Variants in RNGTT observed in about 807,000 individuals in gnomAD.
The protein encoded by RNGTT is RNA guanylyltransferase and 5'-phosphatase.
A neutral mutation model predicts 79.3 loss-of-function variants in RNGTT; 33 were observed. The observed-to-expected ratio is 0.42, with a 90% confidence interval of 0.32 to 0.56. RNGTT has a LOEUF of 0.56. Ranked by LOEUF, RNGTT falls within the 20% of genes least tolerant of loss-of-function variation. The probability of loss-of-function intolerance (pLI) is 0.17; values close to 1 mark genes in which losing one functional copy is unlikely to be tolerated. For missense variants in RNGTT, 497 were observed against 739.1 expected, an observed-to-expected ratio of 0.67 and a Z score of 3.80; for synonymous variants, 222 against 235.9, an observed-to-expected ratio of 0.94 and a Z score of 0.54.
At position 88,647,715 on chromosome 6, in the gene RNGTT, A is replaced by AAAAAAG. The variant is rs531898293; in HGVS notation, c.1506+30637_1506+30638insCTTTTT. On this transcript the variant is annotated intron_variant, in intron 14 of 15. Coordinates refer to ENST00000369485, the MANE Select transcript of RNGTT (RefSeq NM_003800.5). ...CGACACCCTGTTAAAAAAAAAAAAA[A>AAAAAAG]AAGAAGAAGAAGAAAAGAAGGAAGG... Among the ~76,000 whole-genome samples, 13 of 142,510 alleles carry AAAAAAG rather than the reference A, an allele frequency of 9.1e-5. 1 individual carries two copies. Among genetic ancestry groups the AAAAAAG allele is most frequent in the African/African-American group, 3.9e-4 (13 of 33,142 alleles). The allele number at this position is 142,510 out of a possible 152,430, so 93.5% of individuals were successfully genotyped here. A position where few individuals can be genotyped will look rare whatever the true frequency, so the allele number is the denominator to read the frequency against.
At position 88,652,281 on chromosome 6, in the gene RNGTT, C is replaced by T. The variant is rs182511403; in HGVS notation, c.1506+26072G>A. Among the ~76,000 whole-genome samples the T allele has an allele frequency of 1.9e-3, 291 of 152,168 alleles. 4 individuals carry two copies. Among genetic ancestry groups the T allele is most frequent in the African/African-American group, 6.9e-3 (285 of 41,516 alleles). ...AATGTTACAAATTTACAAGTTTCTCCAAATCTCATACTTCATTGCATTTAG... is the reference window on the plus strand; with the variant it reads ...AATGTTACAAATTTACAAGTTTCTCTAAATCTCATACTTCATTGCATTTAG... On this transcript the variant is annotated intron_variant, in intron 14 of 15. Transcript: ENST00000369485.
At chr6:88,792,085 GT>G (rs1205562912) in intron 12 of RNGTT, among the ~76,000 whole-genome samples, 1 of 152,130 alleles carries the variant, frequency 6.6e-6, no homozygotes, top group Non-Finnish European at 1.5e-5. Flanking sequence ...TAGTCTAAAA[GT>G]GGGCCCACAC....
chr6:88,824,365 A>G (rs1369434768), intron 11 of RNGTT, among the ~76,000 whole-genome samples: 1 of 152,210 alleles, frequency 6.6e-6, no homozygotes, highest in Admixed American at 6.5e-5. Flanking sequence ...TGTATAAAAG[A>G]TAAAAAATGG....
At position 88,640,386 on chromosome 6, in the gene RNGTT, C is replaced by CAA. The variant is rs34910543; in HGVS notation, c.1507-25993_1507-25992dup. Among the ~76,000 whole-genome samples the CAA allele has an allele frequency of 1.9e-4, 18 of 97,132 alleles. No homozygotes were observed. The East Asian group carries it at 3.6e-3, about 19-fold the overall frequency. 63.7% of individuals were successfully genotyped at this position (97,132 alleles called of 152,430 possible). On this transcript the variant is annotated intron_variant, in intron 14 of 15. Transcript: ENST00000369485. Reference sequence around the variant, plus strand: ...GCAGCATACCGAGACCCTGTCTCTACAAAAAAAAAAAAAAAAAATCCAGGC... The same window carrying CAA: ...GCAGCATACCGAGACCCTGTCTCTACAAAAAAAAAAAAAAAAAAAATCCAGGC...
chr6:88,932,208 C>T (rs1212698497), intron 2 of RNGTT, among the ~76,000 whole-genome samples: 2 of 152,172 alleles, frequency 1.3e-5, no homozygotes, highest in African/African-American at 4.8e-5. Flanking sequence ...GGATGAAACA[C>T]ACCCTAGTCT....
intron 1 of RNGTT, among the ~76,000 whole-genome samples, chr6:88,945,442 T>G (rs777127916): frequency 1.7e-4 from 26 of 152,232 alleles, no homozygotes; most frequent in Non-Finnish European, 3.5e-4. Flanking sequence ...AAAACTCTCC[T>G]GCCTTACATG....
At chr6:88,913,234 A>C (rs563851318) in intron 4 of RNGTT, among the ~76,000 whole-genome samples, 7 of 151,036 alleles carry the variant, frequency 4.6e-5, no homozygotes, top group African/African-American at 1.7e-4. Flanking sequence ...AAACAAAAAA[A>C]AAAAAGCCCT....
chr6:88,896,872 C>T (rs778489628), intron 6 of RNGTT, among the ~76,000 whole-genome samples: 11 of 152,152 alleles, frequency 7.2e-5, no homozygotes, highest in Non-Finnish European at 1.0e-4. Context: ...TGAAATAACT[C>T]GACCTGTTGT....
intron 4 of RNGTT, among the ~76,000 whole-genome samples, chr6:88,910,437 G>T (rs1783793045): frequency 6.6e-6 from 1 of 152,096 alleles, no homozygotes; most frequent in African/African-American, 2.4e-5. Context: ...AACTGAGTCA[G>T]ACAAAAATAA....
At chr6:88,782,322 A>T (rs9344863) in intron 12 of RNGTT, among the ~76,000 whole-genome samples, 20,949 of 152,068 alleles carry the variant, frequency 0.14, 1,645 homozygotes, top group Middle Eastern at 0.24. Context: ...TTTATTCCAG[A>T]TTCCAAAATA....
At chr6:88,822,109 T>C (rs6937188) in intron 11 of RNGTT, among the ~76,000 whole-genome samples, 23,148 of 152,206 alleles carry the variant, frequency 0.15, 1,898 homozygotes, top group Middle Eastern at 0.26. Context: ...GGGCATTTCC[T>C]GATTTTAACA....
intron 13 of RNGTT, among the ~76,000 whole-genome samples, chr6:88,711,238 A>G (rs1776307382): frequency 6.6e-6 from 1 of 152,284 alleles, no homozygotes; most frequent in Admixed American, 6.5e-5. Flanking sequence ...TTCATTTATA[A>G]CTTTTCTCAT....
chr6:88,791,628 C>T (rs2127855979), intron 12 of RNGTT, among the ~76,000 whole-genome samples: 1 of 152,284 alleles, frequency 6.6e-6, no homozygotes, highest in East Asian at 1.9e-4. Context: ...CAAGCTCCGC[C>T]TCCTGGGTTA....
At chr6:88,911,495 T>C (rs1783829088) in intron 4 of RNGTT, among the ~76,000 whole-genome samples, 1 of 152,182 alleles carries the variant, frequency 6.6e-6, no homozygotes, top group Non-Finnish European at 1.5e-5. Flanking sequence ...AACTTCCAGA[T>C]GGGTACTAAA....
chr6:88,897,876 G>C (rs1250526898), intron 6 of RNGTT, among the ~76,000 whole-genome samples: 1 of 152,124 alleles, frequency 6.6e-6, no homozygotes, highest in Non-Finnish European at 1.5e-5. Flanking sequence ...TAAAAATCTT[G>C]AGCAGTGAGA....
At chr6:88,709,698 A>G (rs1776257342) in intron 13 of RNGTT, among the ~76,000 whole-genome samples, 1 of 152,248 alleles carries the variant, frequency 6.6e-6, no homozygotes, top group East Asian at 1.9e-4. Flanking sequence ...TTTGCATCAA[A>G]TCTTCAAAAT....
At chr6:88,798,413 C>T (rs1481542885) in intron 12 of RNGTT, among the ~76,000 whole-genome samples, 3 of 151,508 alleles carry the variant, frequency 2.0e-5, no homozygotes, top group Non-Finnish European at 2.9e-5. Context: ...TGCAGTAAGC[C>T]ATGTTTGTGC....
At chr6:88,890,634 T>G (rs9353632) in intron 7 of RNGTT, 38 bp from the exon 8 acceptor site, 1 of 1,438,560 alleles carries the variant, frequency 7.0e-7, no homozygotes, top group Admixed American at 1.8e-5. Flanking sequence ...GTGGCTGGTA[T>G]CCATACAAAG....
chr6:88,650,060 C>T (rs903215065), intron 14 of RNGTT, among the ~76,000 whole-genome samples: 1 of 152,220 alleles, frequency 6.6e-6, no homozygotes, highest in East Asian at 1.9e-4. Flanking sequence ...TCAGACTTTG[C>T]TTAAGATTTT....
Sources: gnomAD v4.1 joint callset for allele counts (sites outside exome capture counted in the v4.1 genomes callset) on GRCh38, gnomAD v4.1.1 for gene constraint, MANE v1.5 for transcripts, NCBI Gene and HGNC (gene_info 2026-07-23, HGNC 2026-07-21) for gene names.